NBPF12: variants seen among roughly 807,000 people sequenced by gnomAD.
NBPF12 encodes NBPF member 12.
A neutral mutation model predicts 146.4 loss-of-function variants in NBPF12; 115 were observed. The observed-to-expected ratio is 0.79, with a 90% CI of 0.68 to 0.92. NBPF12 has a LOEUF of 0.92. Among genes scored for constraint, NBPF12 ranks in the 40% least tolerant of loss-of-function variants. NBPF12 has a pLI of 0.00. For missense variants in NBPF12, 1,205 were observed against 1,326.8 expected (o/e 0.91, Z 1.43); for synonymous variants, 385 against 508.9 (o/e 0.76, Z 3.28).
At chr1:146,971,366 A>G (rs1656600018) in exon 13 of NBPF12, 2 of 1,611,362 alleles carry the variant, frequency 1.2e-6, no homozygotes, top group African/African-American at 2.7e-5. Context: ...CTCATGATGA[A>G]TGTCAGGATG....
At chr1:146,964,579 G>A (rs1276328690) in intron 7 of NBPF12, 150 bp downstream of exon 10, 34 of 1,310,894 alleles carry the variant, frequency 2.6e-5, no homozygotes, top group Middle Eastern at 2.6e-4. Context: ...CACAGGGTGC[G>A]ACAGCTGTCA....
At position 146,974,855 on chromosome 1, in the gene NBPF12, A is replaced by G. The variant is rs1553887116; in HGVS notation, c.1904+14A>G. 108 of 1,299,186 alleles carry G rather than the reference A, an allele frequency of 8.3e-5. 19 individuals carry two copies. The highest frequency in any genetic ancestry group is 8.1e-4 in the Admixed American group (34 of 42,108). The allele number at this position is 1,299,186 out of a possible 1,614,324, so 80.5% of individuals were successfully genotyped here. ...TGAGGAGCTCAGGTGAGGGGACCCCATGGGGGCAGACAGGGGGGCAGGTGT... is the reference window on the plus strand; with the variant it reads ...TGAGGAGCTCAGGTGAGGGGACCCCGTGGGGGCAGACAGGGGGGCAGGTGT... On this transcript the variant is annotated intron_variant, in intron 15 of 33. Transcript: ENST00000617844.
At chr1:146,986,036 T>G (rs1161979781) in intron 23 of NBPF12, among the ~76,000 whole-genome samples, 14 of 151,660 alleles carry the variant, frequency 9.2e-5, no homozygotes, top group African/African-American at 1.7e-4. Flanking sequence ...CCCACTGTTT[T>G]CATGATCACT....
chr1:146,939,593 G>C (rs1654703820), intron 1 of NBPF12, among the ~76,000 whole-genome samples: 1 of 151,944 alleles, frequency 6.6e-6, no homozygotes, highest in Non-Finnish European at 1.5e-5. Flanking sequence ...GAGTTGCTGT[G>C]ATTTTTCTGT....
At chr1:146,953,859 A>T (rs1392171228) in intron 2 of NBPF12, among the ~76,000 whole-genome samples, 2 of 151,966 alleles carry the variant, frequency 1.3e-5, no homozygotes, top group Non-Finnish European at 2.9e-5. Context: ...AAAAATTAAT[A>T]AAGTATTGAA....
intron 13 of NBPF12, among the ~76,000 whole-genome samples, chr1:146,971,677 C>A (rs1656623253): frequency 6.7e-6 from 1 of 150,326 alleles, no homozygotes; most frequent in African/African-American, 2.5e-5. Flanking sequence ...ATAGTCCCAA[C>A]TGCTCAGGAG....
intron 2 of NBPF12, among the ~76,000 whole-genome samples, chr1:146,955,727 G>T (rs1655553767): frequency 1.3e-5 from 2 of 151,012 alleles, no homozygotes; most frequent in South Asian, 4.1e-4. Context: ...ATCTAAGTGG[G>T]TCTAGGTGCT....
chr1:146,966,361 G>C, intron 8 of NBPF12, 103 bp from the exon 12 acceptor site: 1 of 1,012,994 alleles, frequency 9.9e-7, no homozygotes, highest in South Asian at 1.3e-5. Flanking sequence ...CATCATCTTC[G>C]AATAAGTACA....
At chr1:146,945,056 C>T (rs1244995778), upstream of NBPF12, among the ~76,000 whole-genome samples, 3 of 134,680 alleles carry the variant, frequency 2.2e-5, no homozygotes, top group African/African-American at 8.4e-5. Flanking sequence ...GCCTTCCTCC[C>T]TCCCTCCCTT....
At chr1:146,940,969 C>T (rs1290255425) in intron 1 of NBPF12, among the ~76,000 whole-genome samples, 2 of 151,934 alleles carry the variant, frequency 1.3e-5, no homozygotes, top group Admixed American at 6.5e-5. Flanking sequence ...ATTTGTAATA[C>T]TTTATTCTGG....
At chr1:146,975,526 T>G in intron 15 of NBPF12, 151 bp from the exon 19 acceptor site, 1 of 597,968 alleles carries the variant, frequency 1.7e-6, no homozygotes, top group Non-Finnish European at 3.0e-6. Context: ...TTTCTATTCT[T>G]TCTCTTGGCC....
At chr1:146,984,632 T>A (rs1450396708) in intron 21 of NBPF12, among the ~76,000 whole-genome samples, 181 bp from the exon 25 acceptor site, 2 of 143,426 alleles carry the variant, frequency 1.4e-5, no homozygotes, top group South Asian at 2.2e-4. Flanking sequence ...TGTCTTTCTC[T>A]TTCATCCTTT....
chr1:146,940,099 GA>G (rs1254003492), intron 1 of NBPF12, among the ~76,000 whole-genome samples: 1 of 152,028 alleles, frequency 6.6e-6, no homozygotes, highest in African/African-American at 2.4e-5. Context: ...AAGGAAAACT[GA>G]TGTGCTGGTG....
intron 8 of NBPF12, among the ~76,000 whole-genome samples, chr1:146,965,626 C>CAA (rs1271486549): frequency 0.012 from 1,403 of 117,852 alleles, 21 homozygotes; most frequent in African/African-American, 0.043. Context: ...ACTAAAAATA[C>CAA]AAAAAAAAAA....
chr1:146,987,733 T>TTGTGTGTGTGTGTGTG (rs782154969), intron 25 of NBPF12, among the ~76,000 whole-genome samples: 30 of 146,098 alleles, frequency 2.1e-4, no homozygotes, highest in African/African-American at 7.7e-4. Context: ...GTGTGTGTGT[T>TTGTGTGTGTGTGTGTG]TGTGTGTGTG....
At chr1:146,964,503 C>T in intron 7 of NBPF12, 74 bp downstream of exon 10, 1 of 1,590,472 alleles carries the variant, frequency 6.3e-7, no homozygotes, top group Non-Finnish European at 8.6e-7. Flanking sequence ...CCCTCTCTGG[C>T]ATCTATGGTG....
intron 9 of NBPF12, among the ~76,000 whole-genome samples, chr1:146,967,362 G>T (rs1418882953): frequency 6.6e-6 from 1 of 150,922 alleles, no homozygotes; most frequent in Non-Finnish European, 1.5e-5. Context: ...GTAGATGGGC[G>T]TGGTGGCAGG....
chr1:146,984,705 G>A (rs1278712080), intron 21 of NBPF12, 108 bp from the exon 25 acceptor site: 23 of 778,690 alleles, frequency 3.0e-5, no homozygotes, highest in Non-Finnish European at 4.6e-5. Flanking sequence ...TAATGGATCT[G>A]TCCTTTTTCT....
At chr1:146,978,260 A>ATTTTTTTTTTTTTTT (rs1187524068) in intron 18 of NBPF12, among the ~76,000 whole-genome samples, 37 of 83,862 alleles carry the variant, frequency 4.4e-4, no homozygotes, top group Admixed American at 6.2e-4. Context: ...AGCGTCGTAG[A>ATTTTTTTTTTTTTTT]TTTTTTTTTT....
Sources: allele counts gnomAD v4.1 joint callset (sites outside exome capture counted in the v4.1 genomes callset), GRCh38; gene constraint gnomAD v4.1.1; transcripts MANE v1.5; gene names NCBI Gene and HGNC (gene_info 2026-07-23, HGNC 2026-07-21).